The following C10orf67 variants were observed in gnomAD, a reference collection of about 807,000 sequenced individuals.
The protein encoded by C10orf67 is uncharacterized protein C10orf67, mitochondrial.
Under a neutral mutation model 35.6 loss-of-function variants are expected in C10orf67, and 60 were observed. The ratio of observed to expected loss-of-function variants is 1.68; its 90% confidence interval spans 1.37 to 2.09. The LOEUF (loss-of-function observed/expected upper bound fraction) is 2.09. C10orf67 is among the 30% of genes most tolerant of loss of function. The pLI is 0.00. For synonymous variants in C10orf67, 167 were observed against 115.8 expected, an observed-to-expected ratio of 1.44 and a Z score of -2.84; for missense variants, 474 against 330.2, an observed-to-expected ratio of 1.44 and a Z score of -3.38.
chr10:23,273,075 T>C lies in C10orf67; in HGVS notation c.976-5821A>G, dbSNP rs576913642. 1.2e-4 allele frequency among the ~76,000 whole-genome samples: 18 copies of C among 152,334 alleles called. No individual in the cohort carries two copies. In the South Asian group the frequency reaches 3.3e-3, roughly 28 times the overall value. The stretch of plus-strand genomic sequence containing the variant: ...ATTCACTTATTAATTCTAGTAGCTA[T>C]TTTTGTAGATTTGTTAGGATTTCCT... On this transcript the variant is annotated intron_variant, in intron 8 of 15. Transcript: ENST00000636213.
chr10:23,276,434 G>C (rs1843190208), intron 8 of C10orf67, among the ~76,000 whole-genome samples: 1 of 151,994 alleles, frequency 6.6e-6, no homozygotes, highest in Admixed American at 6.6e-5. Context: ...CAATTCCCTG[G>C]CCAGGAAGCT....
Position 23,276,051 on chromosome 10 carries a change from G to T in C10orf67, c.975+5962C>A, listed in dbSNP as rs193041872. 8.0e-4 allele frequency among the ~76,000 whole-genome samples: 122 copies of T among 152,216 alleles called. 2 individuals carry two copies. Among genetic ancestry groups the T allele is most frequent in the Admixed American group, 3.1e-3 (48 of 15,282 alleles). Reference sequence around the variant, plus strand: ...AGCTTCCACGTTTCTTCCCATTAGGGTGATTAACGATTCTGGTTTTTCTTA... The same window carrying T: ...AGCTTCCACGTTTCTTCCCATTAGGTTGATTAACGATTCTGGTTTTTCTTA... On this transcript the variant is annotated intron_variant, in intron 8 of 15. Coordinates refer to ENST00000636213, the MANE Select transcript of C10orf67 (RefSeq NM_001371909.1).
intron 7 of C10orf67, among the ~76,000 whole-genome samples, chr10:23,283,128 G>A (rs1843417206): frequency 6.6e-6 from 1 of 152,118 alleles, no homozygotes; most frequent in East Asian, 1.9e-4. Context: ...TTACCCTCAT[G>A]TGATTATTAC....
intron 2 of C10orf67, 151 bp downstream of exon 2, chr10:23,332,911 A>T: frequency 1.4e-6 from 1 of 711,400 alleles, no homozygotes; most frequent in South Asian, 1.8e-5. Flanking sequence ...TTATATTAAT[A>T]ATTTGTTAAA....
rs1841061175 is a variant in C10orf67, at chr10:23,202,901, A to T, written c.*1272T>A. 1 of 152,158 alleles carries T rather than the reference A, an allele frequency of 6.6e-6. No homozygotes were observed. Among genetic ancestry groups the T allele is most frequent in the South Asian group, 2.1e-4 (1 of 4,826 alleles). The allele number at this position is 152,158 out of a possible 1,614,324, so 9.4% of individuals were successfully genotyped here. ...ATTTCCTCTGTTTCTTGTAGGGTTG[A>T]TTGGTTGGTGGAAATGGCTGGCAGC... On this transcript the variant is annotated 3_prime_UTR_variant, in exon 16 of 16. Coordinates refer to ENST00000636213, the MANE Select transcript of C10orf67 (RefSeq NM_001371909.1).
intron 8 of C10orf67, among the ~76,000 whole-genome samples, chr10:23,278,228 C>T (rs79426104): frequency 0.037 from 5,647 of 152,156 alleles, 329 homozygotes; most frequent in African/African-American, 0.13. Context: ...ACCTCAATGA[C>T]ACTTAAGATT....
At chr10:23,330,118 T>C (rs769355760) in intron 2 of C10orf67, among the ~76,000 whole-genome samples, 1 of 152,200 alleles carries the variant, frequency 6.6e-6, no homozygotes, top group African/African-American at 2.4e-5. Context: ...GAAGACATCC[T>C]TAATCTGATT....
At chr10:23,253,517 T>TA (rs1166525605) in intron 10 of C10orf67, among the ~76,000 whole-genome samples, 1 of 151,832 alleles carries the variant, frequency 6.6e-6, no homozygotes, top group African/African-American at 2.4e-5. Flanking sequence ...GCCATTATGC[T>TA]AAAAAAAATT....
intron 10 of C10orf67, among the ~76,000 whole-genome samples, chr10:23,259,936 A>C (rs1222381010): frequency 6.6e-6 from 1 of 152,172 alleles, no homozygotes; most frequent in African/African-American, 2.4e-5. Context: ...GAACAACATC[A>C]AACAGTCCAG....
At chr10:23,278,752 G>GGA (rs1459591322) in intron 8 of C10orf67, among the ~76,000 whole-genome samples, 21 of 152,164 alleles carry the variant, frequency 1.4e-4, no homozygotes, top group Non-Finnish European at 5.9e-5. Flanking sequence ...GTCAGTTCAG[G>GGA]GAGAAGGAAC....
At chr10:23,336,312 TATAG>T (rs946738733) in intron 1 of C10orf67, among the ~76,000 whole-genome samples, 1 of 152,178 alleles carries the variant, frequency 6.6e-6, no homozygotes, top group African/African-American at 2.4e-5. Context: ...CTTTTATAAA[TATAG>T]ATAAATAGAT....
chr10:23,205,222 C>T (rs1841126047), intron 15 of C10orf67, among the ~76,000 whole-genome samples: 1 of 152,208 alleles, frequency 6.6e-6, no homozygotes, highest in East Asian at 1.9e-4. Context: ...CCCCAAGGGC[C>T]TTTTCCCAAG....
intron 8 of C10orf67, among the ~76,000 whole-genome samples, chr10:23,277,150 T>C (rs1001879860): frequency 4.6e-5 from 7 of 152,202 alleles, no homozygotes. Flanking sequence ...GTCTCACAAG[T>C]GGACACTGGA....
rs543948823 is a variant in C10orf67, at chr10:23,292,723, A to G, written c.703-1444T>C. On this transcript the variant is annotated intron_variant, in intron 5 of 15. Coordinates refer to ENST00000636213, the MANE Select transcript of C10orf67 (RefSeq NM_001371909.1). ...ACTAATGAAATTACGTATGGTATAT[A>G]TATGTGTGTGTGTGTGTGTGTAAGA... Among the ~76,000 whole-genome samples the G allele has an allele frequency of 6.8e-5, 10 of 146,430 alleles. No homozygotes were observed. In the South Asian group the frequency reaches 2.2e-3, roughly 33 times the overall value.
intron 4 of C10orf67, among the ~76,000 whole-genome samples, chr10:23,316,564 G>C (rs1844719573): frequency 6.6e-6 from 1 of 152,222 alleles, no homozygotes; most frequent in Non-Finnish European, 1.5e-5. Flanking sequence ...CAGGAAGAAT[G>C]AGATATGCAG....
chr10:23,314,291 C>A (rs983739302), intron 4 of C10orf67, among the ~76,000 whole-genome samples: 13 of 151,928 alleles, frequency 8.6e-5, no homozygotes, highest in African/African-American at 3.1e-4. Flanking sequence ...TTATCTAGTG[C>A]TGCATAAAAG....
At position 23,203,085 on chromosome 10, in the gene C10orf67, G is replaced by A. The variant is rs1480043911; in HGVS notation, c.*1088C>T. 2 of 152,222 alleles carry A rather than the reference G, an allele frequency of 1.3e-5. No homozygotes were observed. Among genetic ancestry groups the A allele is most frequent in the African/African-American group, 2.4e-5 (1 of 41,452 alleles). The allele number at this position is 152,222 out of a possible 1,614,324, so 9.4% of individuals were successfully genotyped here. On this transcript the variant is annotated 3_prime_UTR_variant, in exon 16 of 16. Coordinates refer to ENST00000636213, the MANE Select transcript of C10orf67 (RefSeq NM_001371909.1). ...CCTTTCTTTAGCCAAACTGATGGGA[G>A]GAAATTTGAAAGAAGCGCCAAACTG...
At chr10:23,301,009 G>A (rs1456893353) in intron 5 of C10orf67, among the ~76,000 whole-genome samples, 1 of 152,152 alleles carries the variant, frequency 6.6e-6, no homozygotes, top group Non-Finnish European at 1.5e-5. Context: ...TAGCCATCAG[G>A]GTTATCTGAG....
chr10:23,328,851 G>A (rs953730851), intron 2 of C10orf67, among the ~76,000 whole-genome samples: 6 of 151,576 alleles, frequency 4.0e-5, no homozygotes, highest in Non-Finnish European at 5.9e-5. Context: ...CAGGTGTGGT[G>A]GCATGTGCCT....
Sources: gnomAD v4.1 joint callset for allele counts (sites outside exome capture counted in the v4.1 genomes callset) on GRCh38, gnomAD v4.1.1 for gene constraint, MANE v1.5 for transcripts, NCBI Gene and HGNC (gene_info 2026-07-23, HGNC 2026-07-21) for gene names.